MGRN1: variants seen among roughly 807,000 people sequenced by gnomAD.
MGRN1 encodes mahogunin ring finger 1, also known as E3 ubiquitin-protein ligase MGRN1.
In MGRN1, 29 loss-of-function variants were observed where a neutral mutation model predicts 69.2. The ratio of observed to expected loss-of-function variants is 0.42; its 90% confidence interval spans 0.31 to 0.57. The LOEUF (loss-of-function observed/expected upper bound fraction) is 0.57, where lower values mean the gene tolerates loss of function less well. MGRN1 is among the 20% of genes least tolerant of loss of function. MGRN1 has a pLI of 0.15. For synonymous variants in MGRN1, 470 were observed against 344.2 expected (o/e 1.37, Z -4.04); for missense variants, 998 against 796.2 (o/e 1.25, Z -3.05).
At chr16:4,664,355 A>AG (rs1249415132) in intron 5 of MGRN1, 82 of 323,536 alleles carry the variant, frequency 2.5e-4, no homozygotes, top group African/African-American at 1.5e-3. Context: ...CGGGGGCTGG[A>AG]GGAGGGGATG....
chr16:4,635,968 G>GT (rs35561356), intron 1 of MGRN1, among the ~76,000 whole-genome samples: 33,352 of 141,156 alleles, frequency 0.24, 4,226 homozygotes, highest in Middle Eastern at 0.34. Flanking sequence ...TGTATTTTCT[G>GT]TTTTTTTTTT....
At position 4,673,671 on chromosome 16, in the gene MGRN1, C is replaced by T. The variant is rs2078990354; in HGVS notation, c.955+14C>T. 10 of 1,611,172 alleles carry T rather than the reference C, an allele frequency of 6.2e-6. No homozygotes were observed. Among genetic ancestry groups the T allele is most frequent in the Non-Finnish European group, 8.5e-6 (10 of 1,179,276 alleles). On this transcript the variant is annotated intron_variant, in intron 10 of 16. Transcript: ENST00000262370. ...TCTGCCGGCTGCGTGAGTTCCCCGG[C>T]CGGCTGTTCTGTGGAAGGTTCTGGA...
intron 12 of MGRN1, among the ~76,000 whole-genome samples, chr16:4,680,913 C>T (rs892146121): frequency 9.2e-5 from 14 of 152,214 alleles, no homozygotes; most frequent in African/African-American, 3.1e-4. Context: ...CACTGACGAG[C>T]GTTGTGCCCC....
chr16:4,660,959 G>T (rs531757493), intron 5 of MGRN1, among the ~76,000 whole-genome samples: 1 of 152,286 alleles, frequency 6.6e-6, no homozygotes, highest in African/African-American at 2.4e-5. Flanking sequence ...GTGAACATGT[G>T]CCCCACGTCC....
chr16:4,637,379 A>T (rs1898356275), intron 1 of MGRN1, among the ~76,000 whole-genome samples: 1 of 152,166 alleles, frequency 6.6e-6, no homozygotes, highest in Non-Finnish European at 1.5e-5. Context: ...ACAGTGAGCC[A>T]AGATCGCGCC....
chr16:4,650,612 G>C, intron 2 of MGRN1, 129 bp downstream of exon 2: 1 of 715,770 alleles, frequency 1.4e-6, no homozygotes. Context: ...CTCCTGGCAG[G>C]ATTCCAGTTG....
chr16:4,646,108 G>T (rs944347976), intron 1 of MGRN1, among the ~76,000 whole-genome samples: 4 of 141,014 alleles, frequency 2.8e-5, no homozygotes, highest in Admixed American at 2.0e-4. Context: ...CGGCTCCGTC[G>T]GGGGGCTCTG....
At chr16:4,665,411 C>G (rs904404451) in intron 7 of MGRN1, among the ~76,000 whole-genome samples, 10 of 151,112 alleles carry the variant, frequency 6.6e-5, no homozygotes, top group Non-Finnish European at 1.2e-4. Context: ...GTCACCCAGG[C>G]TGGAGTTCAG....
chr16:4,659,316 C>G (rs1252742301), intron 5 of MGRN1, among the ~76,000 whole-genome samples: 1 of 152,136 alleles, frequency 6.6e-6, no homozygotes, highest in Non-Finnish European at 1.5e-5. Flanking sequence ...GGCGTGTGTG[C>G]TGAGCTCTGG....
intron 7 of MGRN1, among the ~76,000 whole-genome samples, chr16:4,667,119 G>A (rs372131484): frequency 6.6e-6 from 1 of 152,240 alleles, no homozygotes; most frequent in Non-Finnish European, 1.5e-5. Context: ...ACAAGGCCCA[G>A]CCTGCCTGCT....
At chr16:4,652,651 T>C in intron 3 of MGRN1, 27 bp from the exon 4 acceptor site, 1 of 1,592,002 alleles carries the variant, frequency 6.3e-7, no homozygotes. Flanking sequence ...GCTGACCCGC[T>C]GCCTTTCTCT....
chr16:4,653,081 C>G (rs79314275), intron 4 of MGRN1, among the ~76,000 whole-genome samples: 1 of 152,142 alleles, frequency 6.6e-6, no homozygotes, highest in Non-Finnish European at 1.5e-5. Context: ...CTTTGAGGGC[C>G]CAGTCCCACA....
intron 16 of MGRN1, chr16:4,687,982 GCGA>G (rs2079371866): frequency 1.0e-6 from 1 of 985,456 alleles, no homozygotes; most frequent in Non-Finnish European, 1.2e-6. Flanking sequence ...AAGGTGCCGT[GCGA>G]ATGTCACGAT....
rs1227104031 is a variant in MGRN1 at position 4,688,971 on chromosome 16, C to T, written c.*63C>T. 48 of 1,479,732 alleles carry T rather than the reference C, an allele frequency of 3.2e-5. No individual in the cohort carries two copies. Among genetic ancestry groups the T allele is most frequent in the Admixed American group, 2.7e-4 (12 of 44,428 alleles). 91.7% of individuals were successfully genotyped at this position (1,479,732 alleles called of 1,614,324 possible). A position where few individuals can be genotyped will look rare whatever the true frequency, so the allele number is the denominator to read the frequency against. On this transcript the variant is annotated 3_prime_UTR_variant, in exon 17 of 17. Transcript: ENST00000262370. ...CCCAGACTTTGCCGAGGGGCTGCTCCGGACCCCGTTGTGAGCCGGCCTCCT... is the reference window on the plus strand; with the variant it reads ...CCCAGACTTTGCCGAGGGGCTGCTCTGGACCCCGTTGTGAGCCGGCCTCCT...
At chr16:4,683,651 A>C (rs1401157135) in intron 15 of MGRN1, among the ~76,000 whole-genome samples, 192 bp from the exon 16 acceptor site, 5 of 151,820 alleles carry the variant, frequency 3.3e-5, no homozygotes, top group Admixed American at 2.6e-4. Context: ...GGAGGGAAAT[A>C]GAAGGGAAAC....
chr16:4,688,825 G>A lies in MGRN1; in HGVS notation c.1648G>A (p.Gly550Ser), dbSNP rs766265968. The change falls in exon 17 of 17, where the codon GGC (glycine) becomes AGC (serine). Residue 550 changes from glycine (G) to serine (S), a missense_variant. Gly to Ser is a moderately conservative substitution (Grantham distance 56). Coordinates refer to ENST00000262370, the MANE Select transcript of MGRN1 (RefSeq NM_015246.4). ...GCCCACCTCCATGGAGACGGCCCAC[G>A]GCCTCGCCACCACCAGCCCCACCTG... ...GRPTSMETAH[G>S]LATTSPTWPP... 9 of 1,553,168 alleles carry A rather than the reference G, an allele frequency of 5.8e-6. No individual in the cohort carries two copies. In the South Asian group the frequency reaches 5.9e-5, roughly 10 times the overall value.
chr16:4,639,470 C>T (rs72770329), intron 1 of MGRN1, among the ~76,000 whole-genome samples: 8,082 of 152,212 alleles, frequency 0.053, 271 homozygotes, highest in Middle Eastern at 0.15. Context: ...CAACCTTCAC[C>T]ATTGGGCATC....
intron 1 of MGRN1, among the ~76,000 whole-genome samples, chr16:4,630,510 G>A (rs1346796240): frequency 6.6e-6 from 1 of 151,658 alleles, no homozygotes; most frequent in African/African-American, 2.4e-5. Context: ...GAGTGTAGTG[G>A]CATGATCTTA....
intron 16 of MGRN1, chr16:4,686,251 C>T (rs1432584705): frequency 6.5e-6 from 10 of 1,543,016 alleles, no homozygotes; most frequent in Non-Finnish European, 8.7e-6. Context: ...CTCCCCCTCT[C>T]CGCGCAGCCC....
Sources: allele counts gnomAD v4.1 joint callset (sites outside exome capture counted in the v4.1 genomes callset), GRCh38; gene constraint gnomAD v4.1.1; transcripts MANE v1.5; gene names NCBI Gene and HGNC (gene_info 2026-07-23, HGNC 2026-07-21).